MGMT: variants seen among roughly 807,000 people sequenced by gnomAD.
MGMT encodes O-6-methylguanine-DNA methyltransferase.
In MGMT, 14 loss-of-function variants were observed where a neutral mutation model predicts 15.9. The ratio of observed to expected loss-of-function variants is 0.88; its 90% confidence interval spans 0.58 to 1.37. The LOEUF is 1.37. MGMT is among the 40% of genes most tolerant of loss of function. The pLI is 0.00. For missense variants in MGMT, 282 were observed against 268.1 expected (o/e 1.05, Z -0.36); for synonymous variants, 130 against 118.2 (o/e 1.10, Z -0.65).
At chr10:129,733,020 G>A (rs1404938245) in intron 3 of MGMT, among the ~76,000 whole-genome samples, 3 of 151,532 alleles carry the variant, frequency 2.0e-5, no homozygotes, top group South Asian at 2.1e-4. Context: ...ATAAACATAC[G>A]TGTGCACGTG....
intron 3 of MGMT, among the ~76,000 whole-genome samples, chr10:129,756,867 A>G (rs531159945): frequency 1.6e-4 from 25 of 152,264 alleles, no homozygotes; most frequent in African/African-American, 3.4e-4. Context: ...AAGAACTTCT[A>G]TTTTCCACAT....
intron 3 of MGMT, among the ~76,000 whole-genome samples, chr10:129,713,825 C>T (rs1466415186): frequency 1.3e-5 from 2 of 152,148 alleles, no homozygotes; most frequent in African/African-American, 4.8e-5. Context: ...CAGATCCCCG[C>T]CAATGTCCTT....
intron 2 of MGMT, among the ~76,000 whole-genome samples, chr10:129,653,332 A>T (rs935729008): frequency 3.9e-5 from 6 of 152,240 alleles, no homozygotes; most frequent in African/African-American, 1.4e-4. Flanking sequence ...ATTTGAAAAC[A>T]TTGATCATTT....
chr10:129,639,676 C>T (rs576484715), intron 2 of MGMT, among the ~76,000 whole-genome samples: 18 of 152,130 alleles, frequency 1.2e-4, no homozygotes, highest in East Asian at 7.7e-4. Context: ...CTGTGGGTTG[C>T]GGCTAAAAGT....
intron 2 of MGMT, among the ~76,000 whole-genome samples, chr10:129,640,391 C>G (rs1431533205): frequency 6.6e-6 from 1 of 152,168 alleles, no homozygotes; most frequent in Non-Finnish European, 1.5e-5. Context: ...CCACTGTGCC[C>G]AGCCTGAATA....
At chr10:129,581,830 G>A (rs1381522148) in intron 2 of MGMT, among the ~76,000 whole-genome samples, 6 of 152,308 alleles carry the variant, frequency 3.9e-5, no homozygotes, top group East Asian at 1.9e-4. Flanking sequence ...AACCATTTCC[G>A]GGGTATCCCC....
Position 129,626,129 on chromosome 10 carries a change from T to C in MGMT, c.126-81766T>C, listed in dbSNP as rs554887076. ...CACTGTTACTTATGGACAGGTGGAC[T>C]AGGCTCTTTTTCATCCTGAGGAACT... On this transcript the variant is annotated intron_variant, in intron 2 of 4. Transcript: ENST00000651593. Among the ~76,000 whole-genome samples, 22 of 152,290 alleles carry C rather than the reference T, an allele frequency of 1.4e-4. No homozygotes were observed. The South Asian group carries it at 4.6e-3, about 32-fold the overall frequency.
intron 2 of MGMT, among the ~76,000 whole-genome samples, chr10:129,586,671 G>A (rs994675533): frequency 2.0e-5 from 3 of 152,174 alleles, no homozygotes; most frequent in Non-Finnish European, 4.4e-5. Context: ...GCTTTCGGCT[G>A]TTGCAGACAC....
intron 1 of MGMT, among the ~76,000 whole-genome samples, chr10:129,468,858 C>T (rs1845199961): frequency 6.6e-6 from 1 of 152,132 alleles, no homozygotes; most frequent in Non-Finnish European, 1.5e-5. Context: ...GCACTCCAAC[C>T]TGGGCGACGA....
At chr10:129,581,578 T>G (rs1449753489) in intron 2 of MGMT, among the ~76,000 whole-genome samples, 2 of 152,232 alleles carry the variant, frequency 1.3e-5, no homozygotes, top group East Asian at 3.9e-4. Flanking sequence ...AGTCACTATC[T>G]TCTGCAACTT....
At chr10:129,615,509 C>T (rs1169105494) in intron 2 of MGMT, among the ~76,000 whole-genome samples, 3 of 152,224 alleles carry the variant, frequency 2.0e-5, no homozygotes, top group Admixed American at 2.0e-4. Context: ...GAGCTGTCCC[C>T]AGCTCCTCTC....
chr10:129,716,799 A>T (rs146622136), intron 3 of MGMT, among the ~76,000 whole-genome samples: 1 of 152,246 alleles, frequency 6.6e-6, no homozygotes, highest in Admixed American at 6.5e-5. Context: ...AATCTAGCTG[A>T]ATGTGATGGT....
intron 1 of MGMT, among the ~76,000 whole-genome samples, chr10:129,516,576 T>C (rs149096406): frequency 3.9e-5 from 6 of 152,314 alleles, no homozygotes; most frequent in African/African-American, 1.2e-4. Flanking sequence ...GCACGTTGCC[T>C]TCCCTTTCCC....
At chr10:129,640,122 G>A (rs1847311729) in intron 2 of MGMT, among the ~76,000 whole-genome samples, 1 of 146,472 alleles carries the variant, frequency 6.8e-6, no homozygotes, top group East Asian at 2.0e-4. Context: ...TTTGGAGACA[G>A]AGTCTAGCTC....
chr10:129,472,187 T>C (rs1421552599), intron 1 of MGMT, among the ~76,000 whole-genome samples: 1 of 152,040 alleles, frequency 6.6e-6, no homozygotes, highest in African/African-American at 2.4e-5. Context: ...TGGGACTGAA[T>C]TGAGCTTTTC....
chr10:129,614,479 A>T (rs1846999188), intron 2 of MGMT, among the ~76,000 whole-genome samples: 1 of 151,014 alleles, frequency 6.6e-6, no homozygotes, highest in Non-Finnish European at 1.5e-5. Context: ...AGACTGTCAG[A>T]GTGTGTTCCT....
chr10:129,642,223 G>T (rs946947574), intron 2 of MGMT, among the ~76,000 whole-genome samples: 1 of 152,182 alleles, frequency 6.6e-6, no homozygotes, highest in Admixed American at 6.5e-5. Flanking sequence ...GCGGGCGGGC[G>T]GGCGTAGGGG....
At chr10:129,650,606 A>G (rs1044784859) in intron 2 of MGMT, among the ~76,000 whole-genome samples, 1 of 152,186 alleles carries the variant, frequency 6.6e-6, no homozygotes, top group Admixed American at 6.5e-5. Context: ...TGAACATGAA[A>G]TGTTGGAAGT....
rs79241436 is a variant in MGMT, at chr10:129,694,682, G to T, written c.126-13213G>T. ...TCTTTCCTGCTTTGGAACATAATTG[G>T]ATTCTTCGCTGGGTAGAGTTTTGCT... is the stretch of plus-strand genomic sequence containing the variant. On this transcript the variant is annotated intron_variant, in intron 2 of 4. Transcript: ENST00000651593. Among the ~76,000 whole-genome samples the T allele has an allele frequency of 5.2e-3, 790 of 152,156 alleles. 8 individuals carry two copies. Among genetic ancestry groups the T allele is most frequent in the African/African-American group, 0.018 (738 of 41,518 alleles).
Sources: allele counts gnomAD v4.1 joint callset (sites outside exome capture counted in the v4.1 genomes callset), GRCh38; gene constraint gnomAD v4.1.1; transcripts MANE v1.5; gene names NCBI Gene and HGNC (gene_info 2026-07-23, HGNC 2026-07-21).